The following ZNF155 variants were observed in gnomAD, a reference collection of about 807,000 sequenced individuals.
The protein encoded by ZNF155 is KRAB A domain.
Under a neutral mutation model 11.9 loss-of-function variants are expected in ZNF155, and 15 were observed. The observed-to-expected ratio is 1.26, with a 90% CI of 0.84 to 1.94. ZNF155 has a LOEUF of 1.94. Ranked by LOEUF, ZNF155 falls within the 30% of genes most tolerant of loss-of-function variation. ZNF155 has a pLI of 0.00. For synonymous variants in ZNF155, 212 were observed against 219.9 expected, an observed-to-expected ratio of 0.96 and a Z score of 0.32; for missense variants, 602 against 639.1, an observed-to-expected ratio of 0.94 and a Z score of 0.63.
At chr19:43,992,847 T>C (rs1975713166) in intron 4 of ZNF155, among the ~76,000 whole-genome samples, 1 of 152,280 alleles carries the variant, frequency 6.6e-6, no homozygotes, top group African/African-American at 2.4e-5. Context: ...ATTCTGACTT[T>C]CTTAGGTTCC....
chr19:43,986,447 G>GTTTTTTTTTTTTTTTTTTTTTTTTTTT (rs1470848913), intron 1 of ZNF155, among the ~76,000 whole-genome samples: 1 of 142,182 alleles, frequency 7.0e-6, no homozygotes. Flanking sequence ...ATTCCCATTT[G>GTTTTTTTTTTTTTTTTTTTTTTTTTTT]TGTTTTTTTT....
chr19:43,988,012 A>G (rs60744406), intron 1 of ZNF155, among the ~76,000 whole-genome samples: 68,231 of 151,986 alleles, frequency 0.45, 17,113 homozygotes, highest in Non-Finnish European at 0.58. Flanking sequence ...CAGGCCGGGC[A>G]CAGTGGCTCA....
chr19:43,994,658 C>T lies in ZNF155; in HGVS notation c.236-1435C>T, dbSNP rs151028105. Among the ~76,000 whole-genome samples the T allele has an allele frequency of 6.6e-3, 1,011 of 152,232 alleles. 8 individuals are homozygous for T. The highest frequency in any genetic ancestry group is 0.01 in the Non-Finnish European group (693 of 68,010). On this transcript the variant is annotated intron_variant, in intron 4 of 4. Transcript: ENST00000270014. ...GGGTCCAGATGAGAATAACCAAATG[C>T]GGACCTTCTATTGTATTCTCCTGGC...
intron 2 of ZNF155, among the ~76,000 whole-genome samples, chr19:43,991,200 GA>G (rs1975647905): frequency 6.6e-6 from 1 of 152,158 alleles, no homozygotes; most frequent in Non-Finnish European, 1.5e-5. Context: ...ACAAAGTTGG[GA>G]CTGAATTGTT....
At chr19:43,993,326 T>G (rs1211861872) in intron 4 of ZNF155, among the ~76,000 whole-genome samples, 1 of 152,228 alleles carries the variant, frequency 6.6e-6, no homozygotes, top group Non-Finnish European at 1.5e-5. Context: ...TTTGAACTGG[T>G]GAACTTTATG....
In ZNF155 at chr19:43,996,243, A is replaced by G. The variant is rs776013792; in HGVS notation, c.386A>G (p.Asp129Gly). 1.9e-6 allele frequency: 3 copies of G among 1,614,182 alleles called. No homozygotes were observed. Among genetic ancestry groups the G allele is most frequent in the Non-Finnish European group, 2.5e-6 (3 of 1,180,020 alleles). ...INNSQFFENG[D>G]VPSQVEAGLP... ...AACTCTCAGTTCTTTGAAAATGGTG[A>G]TGTCCCCTCCCAGGTTGAAGCAGGA... The change falls in exon 5 of 5, where the codon GAT becomes GGT. Residue 129 changes from aspartate (D) to glycine (G), a missense_variant. Physicochemically the swap from Asp to Gly is moderately conservative, Grantham distance 94. Coordinates refer to ENST00000270014, the MANE Select transcript of ZNF155 (RefSeq NM_198089.3).
chr19:43,996,794 G>C lies in ZNF155; in HGVS notation c.937G>C (p.Glu313Gln). The C allele has an allele frequency of 6.2e-7, 1 of 1,614,142 alleles. No homozygotes were observed. Among genetic ancestry groups the C allele is most frequent in the South Asian group, 1.1e-5 (1 of 91,086 alleles). Residue 313 changes from glutamate (E) to glutamine (Q), a missense_variant, in exon 5 of 5, where the codon GAA (glutamate) becomes CAA (glutamine). Transcript: ENST00000270014. ...GAGCCATTCCATGGTTCACACAGGA[G>C]AAAAACCATTTAGGTGTGATACATG... is the stretch of plus-strand genomic sequence containing the variant. The part of the protein sequence containing the change: ...LKSHSMVHTG[E>Q]KPFRCDTCDK...
rs1975984946 is a variant in ZNF155 at position 43,998,257 on chromosome 19, T to C, written c.*783T>C. The C allele has an allele frequency of 6.6e-6, 1 of 152,130 alleles. No homozygotes were observed. The highest frequency in any genetic ancestry group is 2.4e-5 in the African/African-American group (1 of 41,426). The allele number at this position is 152,130 out of a possible 1,614,324, so 9.4% of individuals were successfully genotyped here. A position where few individuals can be genotyped will look rare whatever the true frequency, so the allele number is the denominator to read the frequency against. On this transcript the variant is annotated 3_prime_UTR_variant, in exon 5 of 5. Coordinates refer to ENST00000270014, the MANE Select transcript of ZNF155 (RefSeq NM_198089.3). ...GGACCCCAGCCTCATACTGGGCAAC[T>C]TATTTGGATCCCCATCTCCACTGTG...
chr19:43,991,633 G>A lies in ZNF155; in HGVS notation c.101G>A (p.Arg34Gln), dbSNP rs760304090. 7.4e-6 allele frequency: 12 copies of A among 1,614,132 alleles called. No individual in the cohort carries two copies. The highest frequency in any genetic ancestry group is 4.5e-5 in the East Asian group (2 of 44,886). The change falls in exon 3 of 5, where the codon CGA becomes CAA. Residue 34 changes from arginine to glutamine, a missense_variant. Coordinates refer to ENST00000270014, the MANE Select transcript of ZNF155 (RefSeq NM_198089.3). ...GACCCTGCCCAGAGGAAGCTGTACC[G>A]AGATGTGATGCTGGAGAACTTCAGG... ...LLDPAQRKLY[R>Q]DVMLENFRNL...
At position 43,990,250 on chromosome 19, in the gene ZNF155, A is replaced by G. The variant is rs1156950669; in HGVS notation, c.16-1298A>G. ...GTAAGATGTTCTTACATCTTGCTAC[A>G]TCATTACTTAATGATGCTCTTTACA... On this transcript the variant is annotated intron_variant, in intron 2 of 4. Transcript: ENST00000270014. The G allele has an allele frequency of 1.5e-5, 8 of 546,186 alleles. No homozygotes were observed. The Admixed American group carries it at 1.5e-4, about 10-fold the overall frequency. 33.8% of individuals were successfully genotyped at this position (546,186 alleles called of 1,614,324 possible).
chr19:43,996,452 G>T lies in ZNF155; in HGVS notation c.595G>T (p.Val199Leu), dbSNP rs1484616714. The change falls in exon 5 of 5, where the codon GTG becomes TTG. Residue 199 changes from valine to leucine, a missense_variant. Transcript: ENST00000270014. Reference sequence around the variant, plus strand: ...TCTTCATGTTCATCAGAGAGTCCACGTGGGAGAGAAACTCTTTATGTGTGA... The same window carrying T: ...TCTTCATGTTCATCAGAGAGTCCACTTGGGAGAGAAACTCTTTATGTGTGA... ...SALHVHQRVH[V>L]GEKLFMCDVC... 11 of 1,614,034 alleles carry T rather than the reference G, an allele frequency of 6.8e-6. No homozygotes were observed. The highest frequency in any genetic ancestry group is 9.3e-6 in the Non-Finnish European group (11 of 1,180,038).
chr19:43,991,044 A>T (rs1378319961), intron 2 of ZNF155, among the ~76,000 whole-genome samples: 1 of 152,204 alleles, frequency 6.6e-6, no homozygotes, highest in Non-Finnish European at 1.5e-5. Context: ...AGCATGTTCT[A>T]TGTTTATTCT....
chr19:43,997,066 A>G lies in ZNF155; in HGVS notation c.1209A>G (p.Glu403=). ...VHSGEKSFKC[E]ECGKGFYTNS... Reference sequence around the variant, plus strand: ...GTGGAGAAAAAAGCTTCAAATGTGAAGAATGTGGAAAGGGATTTTATACAA... The same window carrying G: ...GTGGAGAAAAAAGCTTCAAATGTGAGGAATGTGGAAAGGGATTTTATACAA... The change falls in exon 5 of 5, where the codon GAA becomes GAG. Residue 403 remains glutamate (E), a synonymous_variant. Transcript: ENST00000270014. 1 of 1,613,864 alleles carries G rather than the reference A, an allele frequency of 6.2e-7. No homozygotes were observed.
rs1211617356 is a variant in ZNF155 at position 43,990,194 on chromosome 19, A to T, written c.16-1354A>T. 6.1e-6 allele frequency: 5 copies of T among 814,190 alleles called. No individual in the cohort carries two copies. The South Asian group carries it at 9.8e-5, about 16-fold the overall frequency. The allele number at this position is 814,190 out of a possible 1,614,324, so 50.4% of individuals were successfully genotyped here. ...CTTATTTTTTGATGTTTTAATTTTC[A>T]TTTGAAATTATTATTTTAAACAATG... On this transcript the variant is annotated intron_variant, in intron 2 of 4. Coordinates refer to ENST00000270014, the MANE Select transcript of ZNF155 (RefSeq NM_198089.3).
At chr19:43,986,148 G>A (rs1466457628) in intron 1 of ZNF155, among the ~76,000 whole-genome samples, 1 of 152,116 alleles carries the variant, frequency 6.6e-6, no homozygotes, top group African/African-American at 2.4e-5. Context: ...TCATTGTGGA[G>A]CATTTTAAAA....
chr19:43,985,612 C>G (rs1475666668), intron 1 of ZNF155, among the ~76,000 whole-genome samples: 2 of 146,824 alleles, frequency 1.4e-5, no homozygotes, highest in Non-Finnish European at 3.0e-5. Flanking sequence ...GCGATCTGGG[C>G]TCAGTGCAAT....
In ZNF155 at chr19:43,997,393, C is replaced by CA. The variant is rs1406685108; in HGVS notation, c.1539dup (p.Cys514MetfsTer2). On this transcript the variant is annotated frameshift_variant, in exon 5 of 5. Coordinates refer to ENST00000270014, the MANE Select transcript of ZNF155 (RefSeq NM_198089.3). LOFTEE classifies it high-confidence loss of function. The stretch of plus-strand genomic sequence containing the variant: ...GAGACTATAGTGGGGAAAACCCATC[C>CA]AAATGTGAGGATTGTGGGAGACGCT... 1 of 1,613,762 alleles carries CA rather than the reference C, an allele frequency of 6.2e-7. No individual in the cohort carries two copies. Among genetic ancestry groups the CA allele is most frequent in the Admixed American group, 1.7e-5 (1 of 59,952 alleles).
Position 43,988,578 on chromosome 19 carries a change from C to A in ZNF155, c.15+20C>A. 6.3e-7 allele frequency: 1 copy of A among 1,595,236 alleles called. No homozygotes were observed. Among genetic ancestry groups the A allele is most frequent in the Non-Finnish European group, 8.6e-7 (1 of 1,168,640 alleles). On this transcript the variant is annotated intron_variant, in intron 2 of 4. Transcript: ENST00000270014. ...TTCAAGGTGAGGGGGGCGTGCCTCT[C>A]TCGCTGTTAAAATTCCATGTCACTA...
intron 2 of ZNF155, 173 bp downstream of exon 2, chr19:43,988,731 CTTTGT>C (rs1193431198): frequency 1.8e-5 from 10 of 564,286 alleles, no homozygotes; most frequent in South Asian, 6.0e-5. Context: ...TTTGGTTTTG[CTTTGT>C]TTTGTTTTGT....
Sources: allele counts gnomAD v4.1 joint callset (sites outside exome capture counted in the v4.1 genomes callset), GRCh38; gene constraint gnomAD v4.1.1; transcripts MANE v1.5; gene names NCBI Gene and HGNC (gene_info 2026-07-23, HGNC 2026-07-21).